Variants in TBC1D28 observed in about 807,000 individuals in gnomAD.
The protein encoded by TBC1D28 is TBC1 domain family member 28.
TBC1D28 carries 20 observed loss-of-function variants against 29.2 expected under a neutral mutation model. The ratio of observed to expected loss-of-function variants is 0.68; its 90% confidence interval spans 0.48 to 0.99. The LOEUF (loss-of-function observed/expected upper bound fraction) is 0.99, where lower values mean the gene tolerates loss of function less well. TBC1D28 is among the 50% of genes least tolerant of loss of function. The pLI, the probability that TBC1D28 is intolerant of heterozygous loss-of-function variation, is 0.00. For missense variants in TBC1D28, 205 were observed against 243.7 expected, an observed-to-expected ratio of 0.84 and a Z score of 1.06; for synonymous variants, 65 against 90.9, an observed-to-expected ratio of 0.71 and a Z score of 1.62.
chr17:18,641,390 C>G, intron 2 of TBC1D28, 37 bp from the exon 4 acceptor site: 1 of 1,580,618 alleles, frequency 6.3e-7, no homozygotes, highest in Non-Finnish European at 8.7e-7. Context: ...CTCCCGCACC[C>G]AAGAGCTCCA....
exon 9 of TBC1D28, chr17:18,635,422 A>C: frequency 1.5e-6 from 1 of 668,010 alleles, no homozygotes; most frequent in Non-Finnish European, 1.9e-6. Context: ...CTGAGCCCGA[A>C]ATTGTCCCTA....
At chr17:18,643,376 C>G (rs909162604), upstream of TBC1D28, among the ~76,000 whole-genome samples, 3 of 150,384 alleles carry the variant, frequency 2.0e-5, no homozygotes, top group Admixed American at 6.6e-5. Context: ...CAAGGAGGCT[C>G]TAAGGACAAA....
chr17:18,641,382 C>T (rs1184191606), intron 2 of TBC1D28, 29 bp from the exon 4 acceptor site: 3 of 1,607,232 alleles, frequency 1.9e-6, no homozygotes, highest in Admixed American at 3.4e-5. Flanking sequence ...CCAAGGCTCT[C>T]CCGCACCCAA....
chr17:18,643,678 C>A (rs145728030), upstream of TBC1D28, among the ~76,000 whole-genome samples: 3 of 151,368 alleles, frequency 2.0e-5, no homozygotes, highest in Admixed American at 6.6e-5. Flanking sequence ...TGACCAGGTC[C>A]CCACTGTCCA....
rs369225062 is a variant in TBC1D28, at chr17:18,641,269, A to G, written c.75+9T>C. 4.3e-5 allele frequency: 69 copies of G among 1,611,486 alleles called. No homozygotes were observed. The highest frequency in any genetic ancestry group is 3.3e-4 in the Middle Eastern group (2 of 6,026). ...CCTGCTTCCCTTGAGGGAGCGGCCC[A>G]ACTTGTACCTGCTCATACTTAGTAA... On this transcript the variant is annotated intron_variant, in intron 3 of 8. Coordinates refer to ENST00000345096, the Ensembl canonical transcript of TBC1D28.
chr17:18,640,051 C>G (rs2031692494), intron 4 of TBC1D28, among the ~76,000 whole-genome samples: 1 of 145,412 alleles, frequency 6.9e-6, no homozygotes, highest in Non-Finnish European at 1.5e-5. Flanking sequence ...CCCTCAGCCT[C>G]CTCCCAGCCA....
chr17:18,640,055 C>T (rs1187314281), intron 4 of TBC1D28, among the ~76,000 whole-genome samples: 3 of 146,296 alleles, frequency 2.1e-5, no homozygotes, highest in Non-Finnish European at 4.5e-5. Flanking sequence ...CAGCCTCCTC[C>T]CAGCCACTGC....
chr17:18,638,852 A>T (rs2031635981), intron 5 of TBC1D28, 151 bp from the exon 7 acceptor site: 1 of 991,588 alleles, frequency 1.0e-6, no homozygotes, highest in Admixed American at 2.5e-5. Context: ...CCTCTGAAGG[A>T]ACTGGAGCTG....
chr17:18,637,569 C>T (rs1319460965), intron 8 of TBC1D28, among the ~76,000 whole-genome samples: 1 of 147,956 alleles, frequency 6.8e-6, no homozygotes, highest in South Asian at 2.2e-4. Flanking sequence ...GGGTCCCTAT[C>T]CTGGATAGTT....
At chr17:18,638,464 C>T (rs1372900047) in intron 6 of TBC1D28, 44 bp from the exon 8 acceptor site, 1 of 1,609,306 alleles carries the variant, frequency 6.2e-7, no homozygotes, top group Non-Finnish European at 8.5e-7. Context: ...CATGGGGCAA[C>T]CCCGCAGAGG....
At chr17:18,637,717 A>G (rs560589814) in intron 8 of TBC1D28, 147 bp downstream of exon 9, 2 of 1,338,770 alleles carry the variant, frequency 1.5e-6, no homozygotes, top group East Asian at 2.5e-5. Flanking sequence ...TGCTCAGTCC[A>G]TGGTGCCGGC....
chr17:18,643,288 G>A (rs943136793), upstream of TBC1D28, among the ~76,000 whole-genome samples: 36 of 151,748 alleles, frequency 2.4e-4, no homozygotes, highest in Non-Finnish European at 4.1e-4. Context: ...TGGCAAGGTC[G>A]GATTCCACAC....
At chr17:18,636,398 C>G in exon 9 of TBC1D28, 2 of 1,590,022 alleles carry the variant, frequency 1.3e-6, no homozygotes, top group Non-Finnish European at 1.7e-6. Context: ...GGGCTTCAAC[C>G]CTTTTCTGCC....
intron 6 of TBC1D28, 24 bp from the exon 8 acceptor site, chr17:18,638,444 T>G: frequency 3.7e-6 from 6 of 1,613,524 alleles, no homozygotes; most frequent in Non-Finnish European, 5.1e-6. Context: ...AACACTCCAG[T>G]GAGAAAGGAC....
At chr17:18,642,665 G>A (rs1449317128), upstream of TBC1D28, 2 of 152,292 alleles carry the variant, frequency 1.3e-5, no homozygotes, top group East Asian at 3.9e-4. Flanking sequence ...GGTCCACGCC[G>A]TCAGTGCAGA....
exon 9 of TBC1D28, chr17:18,636,153 A>G: frequency 1.7e-6 from 2 of 1,168,164 alleles, no homozygotes; most frequent in East Asian, 4.4e-5. Context: ...GGCAAAGGGG[A>G]AATTGGATCC....
In TBC1D28 at chr17:18,638,309, T is replaced by G. The variant is rs758879933; in HGVS notation, c.387+4A>C. 2.5e-6 allele frequency: 4 copies of G among 1,614,064 alleles called. No individual in the cohort carries two copies. In the Admixed American group the frequency reaches 6.7e-5, roughly 27 times the overall value. On this transcript the variant is annotated splice_donor_region_variant and intron_variant, in intron 7 of 8. Transcript: ENST00000345096. ...TGCCCTAGCTGAGTGTGGGAGGGAC[T>G]TACCTTATATTTGCCTGGGTTCTGG...
chr17:18,644,137 C>G (rs1316306383), upstream of TBC1D28, among the ~76,000 whole-genome samples: 1 of 151,712 alleles, frequency 6.6e-6, no homozygotes, highest in African/African-American at 2.4e-5. Context: ...GGACAGCACC[C>G]ACCCCACAGA....
exon 6 of TBC1D28, chr17:18,638,663 T>C: frequency 6.2e-7 from 1 of 1,614,140 alleles, no homozygotes; most frequent in Non-Finnish European, 8.5e-7. Context: ...CAAGCATCTT[T>C]TGCCACTTGT....
Sources: gnomAD v4.1 joint callset for allele counts (sites outside exome capture counted in the v4.1 genomes callset) on GRCh38, gnomAD v4.1.1 for gene constraint, MANE v1.5 for transcripts, NCBI Gene and HGNC (gene_info 2026-07-23, HGNC 2026-07-21) for gene names.